SLC10A7: variants seen among roughly 807,000 people sequenced by gnomAD.
The protein encoded by SLC10A7 is sodium/bile acid cotransporter 7.
SLC10A7 carries 29 observed loss-of-function variants against 43.2 expected under a neutral mutation model. The observed-to-expected ratio is 0.67, with a 90% CI of 0.50 to 0.92. The LOEUF (loss-of-function observed/expected upper bound fraction) is 0.92, where lower values mean the gene tolerates loss of function less well. SLC10A7 is among the 40% of genes least tolerant of loss of function. The pLI is 0.00. For synonymous variants in SLC10A7, 152 were observed against 144.8 expected (o/e 1.05, Z -0.35); for missense variants, 295 against 403.2 (o/e 0.73, Z 2.30).
intron 4 of SLC10A7, among the ~76,000 whole-genome samples, chr4:146,474,131 A>AGG (rs72524884): frequency 1.3e-5 from 2 of 148,972 alleles, no homozygotes; most frequent in African/African-American, 2.5e-5. Flanking sequence ...CAAATAAAAG[A>AGG]GAAAAAAAAA....
chr4:146,416,916 C>T (rs1728609680), intron 5 of SLC10A7, among the ~76,000 whole-genome samples: 1 of 152,134 alleles, frequency 6.6e-6, no homozygotes, highest in South Asian at 2.1e-4. Context: ...CTTGCTCTCT[C>T]ACCTCCTTCA....
chr4:146,372,993 C>T (rs1349234632), intron 5 of SLC10A7, among the ~76,000 whole-genome samples: 1 of 152,164 alleles, frequency 6.6e-6, no homozygotes, highest in Non-Finnish European at 1.5e-5. Context: ...TGAAGAATAT[C>T]AATCAGCCAC....
In SLC10A7 at chr4:146,254,592, T is replaced by C. The variant is rs1197482706; in HGVS notation, c.*1899A>G. On this transcript the variant is annotated 3_prime_UTR_variant, in exon 12 of 12. Coordinates refer to ENST00000335472, the MANE Select transcript of SLC10A7 (RefSeq NM_001029998.6). The stretch of plus-strand genomic sequence containing the variant: ...TAAAATGTTATCATAGCATTTTCAG[T>C]TGAATTTTATCCCATGATCACACCT... 6.6e-6 allele frequency: 1 copy of C among 152,180 alleles called. No homozygotes were observed. The highest frequency in any genetic ancestry group is 2.4e-5 in the African/African-American group (1 of 41,444). 9.4% of individuals were successfully genotyped at this position (152,180 alleles called of 1,614,324 possible).
chr4:146,380,889 A>G (rs1446436856), intron 5 of SLC10A7, among the ~76,000 whole-genome samples: 1 of 152,210 alleles, frequency 6.6e-6, no homozygotes, highest in East Asian at 1.9e-4. Context: ...TAAAAAAAAT[A>G]GATAATTTAG....
chr4:146,478,570 T>C (rs987976924), intron 4 of SLC10A7, among the ~76,000 whole-genome samples: 3 of 152,216 alleles, frequency 2.0e-5, no homozygotes, highest in Non-Finnish European at 4.4e-5. Flanking sequence ...CTCACCCATC[T>C]GTTGGGGTTG....
chr4:146,437,620 A>G (rs1009022190), intron 5 of SLC10A7, among the ~76,000 whole-genome samples: 1 of 152,112 alleles, frequency 6.6e-6, no homozygotes, highest in African/African-American at 2.4e-5. Context: ...ACACACACAA[A>G]TTCAGCATAG....
chr4:146,415,883 G>A (rs1165201651), intron 5 of SLC10A7, among the ~76,000 whole-genome samples: 7 of 152,148 alleles, frequency 4.6e-5, no homozygotes. Context: ...TTGCGAATTA[G>A]TTAGGTACAC....
chr4:146,404,265 T>C (rs899051245), intron 5 of SLC10A7, among the ~76,000 whole-genome samples: 3 of 152,060 alleles, frequency 2.0e-5, no homozygotes, highest in Non-Finnish European at 4.4e-5. Context: ...AGCAATCCAA[T>C]TGCCTCGGCC....
intron 4 of SLC10A7, among the ~76,000 whole-genome samples, chr4:146,459,230 A>G (rs1732324927): frequency 6.6e-6 from 1 of 151,862 alleles, no homozygotes; most frequent in South Asian, 2.1e-4. Flanking sequence ...GATATGGATT[A>G]GAATCCTTGA....
chr4:146,266,819 C>T (rs1728587209), intron 10 of SLC10A7, among the ~76,000 whole-genome samples: 1 of 152,126 alleles, frequency 6.6e-6, no homozygotes. Context: ...CCTGTGTGAC[C>T]TTGGTTGGGC....
intron 5 of SLC10A7, among the ~76,000 whole-genome samples, chr4:146,422,076 T>C (rs1310177175): frequency 6.6e-6 from 1 of 152,186 alleles, no homozygotes; most frequent in Non-Finnish European, 1.5e-5. Flanking sequence ...TTCAATGATA[T>C]ATGTACAACA....
chr4:146,380,857 G>A (rs1737565185), intron 5 of SLC10A7, among the ~76,000 whole-genome samples: 1 of 152,008 alleles, frequency 6.6e-6, no homozygotes, highest in African/African-American at 2.4e-5. Flanking sequence ...TTGGTACGAT[G>A]TTTATCTTGA....
chr4:146,333,801 T>C (rs1427098540), intron 5 of SLC10A7, among the ~76,000 whole-genome samples: 1 of 151,936 alleles, frequency 6.6e-6, no homozygotes, highest in Non-Finnish European at 1.5e-5. Context: ...ACTGGCACAG[T>C]GCTCTCTGTG....
At chr4:146,346,375 G>C (rs1302709944) in intron 5 of SLC10A7, among the ~76,000 whole-genome samples, 1 of 152,102 alleles carries the variant, frequency 6.6e-6, no homozygotes, top group Non-Finnish European at 1.5e-5. Flanking sequence ...TGTATTTTCT[G>C]AAGGTATGAG....
chr4:146,270,135 G>A (rs1018707628), intron 10 of SLC10A7, among the ~76,000 whole-genome samples: 1 of 152,112 alleles, frequency 6.6e-6, no homozygotes, highest in East Asian at 1.9e-4. Context: ...AGGTTTCTGT[G>A]ATTTATCTAA....
At chr4:146,265,312 C>T (rs190389506) in intron 10 of SLC10A7, among the ~76,000 whole-genome samples, 1 of 152,348 alleles carries the variant, frequency 6.6e-6, no homozygotes, top group Non-Finnish European at 1.5e-5. Flanking sequence ...GCTGTGTTAA[C>T]TGCATTAAAC....
At position 146,507,988 on chromosome 4, in the gene SLC10A7, G is replaced by C. The variant is rs770736041; in HGVS notation, c.320+1925C>G. Among the ~76,000 whole-genome samples the C allele has an allele frequency of 6.4e-4, 97 of 152,248 alleles. 1 individual carries two copies. Among genetic ancestry groups the C allele is most frequent in the Admixed American group, 1.5e-3 (23 of 15,292 alleles). ...GCTGTCCAATTAATCTTCCTTAGTA[G>C]CCACTTTTAAACATGTTGTTATTCG... On this transcript the variant is annotated intron_variant, in intron 3 of 11. Transcript: ENST00000335472.
At chr4:146,461,290 A>C (rs909717302) in intron 4 of SLC10A7, among the ~76,000 whole-genome samples, 2 of 152,042 alleles carry the variant, frequency 1.3e-5, no homozygotes, top group Admixed American at 1.3e-4. Flanking sequence ...CTTGTCACAT[A>C]CTTAGCTATG....
intron 4 of SLC10A7, among the ~76,000 whole-genome samples, chr4:146,466,676 A>G (rs1274726032): frequency 6.6e-6 from 1 of 152,236 alleles, no homozygotes; most frequent in East Asian, 1.9e-4. Flanking sequence ...CACCTTCTAT[A>G]TGCCAGACAA....
Sources: allele counts gnomAD v4.1 joint callset (sites outside exome capture counted in the v4.1 genomes callset), GRCh38; gene constraint gnomAD v4.1.1; transcripts MANE v1.5; gene names NCBI Gene and HGNC (gene_info 2026-07-23, HGNC 2026-07-21).